Variants in OST4 observed in about 807,000 individuals in gnomAD.
The protein encoded by OST4 is oligosaccharyltransferase complex subunit 4, non-catalytic, also known as dolichyl-diphosphooligosaccharide--protein glycosyltransferase subunit 4.
A neutral mutation model predicts 2.1 loss-of-function variants in OST4; 3 were observed. That is an observed-to-expected ratio of 1.42 (90% CI 0.65 to 3.67). OST4 has a LOEUF of 3.67. Among genes scored for constraint, OST4 ranks in the 30% most tolerant of loss-of-function variants. The pLI is 0.03. For synonymous variants in OST4, 23 were observed against 21.6 expected (o/e 1.06, Z -0.18); for missense variants, 52 against 47.1 (o/e 1.10, Z -0.30).
intron 2 of OST4, 31 bp downstream of exon 2, chr2:27,071,295 G>T: frequency 7.0e-7 from 1 of 1,425,294 alleles, no homozygotes; most frequent in South Asian, 1.2e-5. Flanking sequence ...CTCAGCTCTG[G>T]GGACTGGGCG....
intron 1 of OST4, 55 bp downstream of exon 1, chr2:27,071,546 A>G (rs1669272786): frequency 9.4e-6 from 9 of 954,612 alleles, no homozygotes; most frequent in Non-Finnish European, 1.4e-5. Flanking sequence ...CGGGCCAGCC[A>G]CGGCCACGGC....
Position 27,071,316 on chromosome 2 carries a change from G to A in OST4, c.*23+10C>T, listed in dbSNP as rs538930118. The stretch of plus-strand genomic sequence containing the variant: ...TCTGGGGACTGGGCGCTACAGCCCC[G>A]GGCCGTTACCTGGGGCGGAGAAAGC... On this transcript the variant is annotated intron_variant, in intron 2 of 2. Coordinates refer to ENST00000456793, the MANE Select transcript of OST4 (RefSeq NM_001134693.2). 20 of 1,507,916 alleles carry A rather than the reference G, an allele frequency of 1.3e-5. No homozygotes were observed. The African/African-American group carries it at 1.7e-4, about 13-fold the overall frequency. The allele number at this position is 1,507,916 out of a possible 1,614,324, so 93.4% of individuals were successfully genotyped here.
At chr2:27,071,514 G>A (rs1410372362) in intron 1 of OST4, 51 bp from the exon 2 acceptor site, 5 of 1,441,972 alleles carry the variant, frequency 3.5e-6, no homozygotes, top group Non-Finnish European at 4.7e-6. Context: ...CCTCGCCCTC[G>A]CAAGAACCCG....
At position 27,071,391 on chromosome 2, in the gene OST4, G is replaced by A. The variant is rs1276862722; in HGVS notation, c.72C>T (p.Leu24=). Reference sequence around the variant, plus strand: ...GATTGTTGACGGCCACGTAGTGATAGAGAACGACAAGCAAGAAGAGCGACA... The same window carrying A: ...GATTGTTGACGGCCACGTAGTGATAAAGAACGACAAGCAAGAAGAGCGACA... ...LGVSLFLLVV[L]YHYVAVNNPK... The change falls in exon 2 of 3, where the codon CTC becomes CTT. Residue 24 remains leucine (L), a synonymous_variant. Coordinates refer to ENST00000456793, the MANE Select transcript of OST4 (RefSeq NM_001134693.2). 2 of 1,551,716 alleles carry A rather than the reference G, an allele frequency of 1.3e-6. No homozygotes were observed. The highest frequency in any genetic ancestry group is 1.2e-5 in the South Asian group (1 of 84,066).
chr2:27,071,383 T>C lies in OST4; in HGVS notation c.80A>G (p.Tyr27Cys). The C allele has an allele frequency of 6.4e-7, 1 of 1,551,596 alleles. No individual in the cohort carries two copies. The highest frequency in any genetic ancestry group is 8.7e-7 in the Non-Finnish European group (1 of 1,146,942). Residue 27 changes from tyrosine to cysteine, a missense_variant, in exon 2 of 3, where the codon TAC becomes TGC. Transcript: ENST00000456793. ...SLFLLVVLYH[Y>C]VAVNNPKKQE ...CTTCTTGGGATTGTTGACGGCCACG[T>C]AGTGATAGAGAACGACAAGCAAGAA... is the stretch of plus-strand genomic sequence containing the variant.
rs1183619614 is a variant in OST4 at position 27,071,651 on chromosome 2, A to G, written c.-52T>C. 4.0e-6 allele frequency: 2 copies of G among 504,654 alleles called. No individual in the cohort carries two copies. Among genetic ancestry groups the G allele is most frequent in the Non-Finnish European group, 7.0e-6 (2 of 286,584 alleles). The allele number at this position is 504,654 out of a possible 1,614,324, so 31.3% of individuals were successfully genotyped here. Reference sequence around the variant, plus strand: ...GCCACCAGCGAACAAGCCCGAAGTCAGAGACCTGGACCGGAACTTCGTAGC... The same window carrying G: ...GCCACCAGCGAACAAGCCCGAAGTCGGAGACCTGGACCGGAACTTCGTAGC... On this transcript the variant is annotated 5_prime_UTR_variant, in exon 1 of 3. Coordinates refer to ENST00000456793, the MANE Select transcript of OST4 (RefSeq NM_001134693.2).
intron 1 of OST4, 67 bp downstream of exon 1, chr2:27,071,534 C>T (rs1463522861): frequency 7.6e-7 from 1 of 1,319,178 alleles, no homozygotes; most frequent in Admixed American, 2.0e-5. Context: ...GTCCTCGCCC[C>T]ACGGGCCAGC....
At chr2:27,071,213 C>T in intron 2 of OST4, 113 bp downstream of exon 2, 1 of 676,336 alleles carries the variant, frequency 1.5e-6, no homozygotes, top group Non-Finnish European at 2.6e-6. Context: ...CAGTTCTGGA[C>T]TGTATCATGC....
chr2:27,071,283 C>A, intron 2 of OST4, 43 bp downstream of exon 2: 1 of 1,320,718 alleles, frequency 7.6e-7, no homozygotes, highest in South Asian at 1.3e-5. Flanking sequence ...GCGGCCTCGC[C>A]ACTCAGCTCT....
At chr2:27,071,542 A>G (rs1669272564) in intron 1 of OST4, 59 bp downstream of exon 1, 22 of 1,190,708 alleles carry the variant, frequency 1.8e-5, no homozygotes, top group Middle Eastern at 2.7e-4. Flanking sequence ...CCCACGGGCC[A>G]GCCACGGCCA....
In OST4 at chr2:27,071,515, C is replaced by T; in HGVS notation, c.-1-52G>A. 3 of 1,424,674 alleles carry T rather than the reference C, an allele frequency of 2.1e-6. No individual in the cohort carries two copies. The South Asian group carries it at 3.7e-5, about 17-fold the overall frequency. The allele number at this position is 1,424,674 out of a possible 1,614,324, so 88.3% of individuals were successfully genotyped here. ...CGGGCTGGCGCACTCCTCGCCCTCG[C>T]AAGAACCCGTCCTCGCCCCACGGGC... On this transcript the variant is annotated intron_variant, in intron 1 of 2. Transcript: ENST00000456793.
chr2:27,071,262 C>G, intron 2 of OST4, 64 bp downstream of exon 2: 2 of 1,027,384 alleles, frequency 1.9e-6, no homozygotes, highest in Non-Finnish European at 1.5e-6. Flanking sequence ...TCGAACCCTG[C>G]TAGCCCTGGC....
At chr2:27,071,290 C>T (rs748018875) in intron 2 of OST4, 36 bp downstream of exon 2, 1 of 1,397,038 alleles carries the variant, frequency 7.2e-7, no homozygotes, top group Non-Finnish European at 9.9e-7. Flanking sequence ...CGCCACTCAG[C>T]TCTGGGGACT....
chr2:27,071,381 C>G lies in OST4; in HGVS notation c.82G>C (p.Val28Leu). Residue 28 changes from valine (V) to leucine (L), a missense_variant, in exon 2 of 3, where the codon GTG (valine) becomes CTG (leucine). By Grantham distance (32) the Val-to-Leu change is conservative (BLOSUM62 1). Transcript: ENST00000456793. ...LFLLVVLYHY[V>L]AVNNPKKQE is the part of the protein sequence containing the mutation. ...TGCTTCTTGGGATTGTTGACGGCCA[C>G]GTAGTGATAGAGAACGACAAGCAAG... 6.4e-7 allele frequency: 1 copy of G among 1,551,672 alleles called. No homozygotes were observed. Among genetic ancestry groups the G allele is most frequent in the Non-Finnish European group, 8.7e-7 (1 of 1,146,952 alleles).
At position 27,071,626 on chromosome 2, in the gene OST4, G is replaced by A. The variant is rs1669276899; in HGVS notation, c.-27C>T. 3.8e-6 allele frequency: 2 copies of A among 531,780 alleles called. No homozygotes were observed. The highest frequency in any genetic ancestry group is 2.0e-5 in the African/African-American group (1 of 50,346). 32.9% of individuals were successfully genotyped at this position (531,780 alleles called of 1,614,324 possible). A position where few individuals can be genotyped will look rare whatever the true frequency, so the allele number is the denominator to read the frequency against. On this transcript the variant is annotated 5_prime_UTR_variant, in exon 1 of 3. Coordinates refer to ENST00000456793, the MANE Select transcript of OST4 (RefSeq NM_001134693.2). ...CTGACCAGTCCGGCTCGGCTCCGAC[G>A]CCACCAGCGAACAAGCCCGAAGTCA...
At chr2:27,071,536 C>A in intron 1 of OST4, 65 bp downstream of exon 1, 1 of 1,244,478 alleles carries the variant, frequency 8.0e-7, no homozygotes, top group Non-Finnish European at 1.1e-6. Context: ...CCTCGCCCCA[C>A]GGGCCAGCCA....
chr2:27,071,349 T>C lies in OST4; in HGVS notation c.114A>G (p.Ter38TrpextTer81). 6.4e-7 allele frequency: 1 copy of C among 1,551,148 alleles called. No homozygotes were observed. The highest frequency in any genetic ancestry group is 8.7e-7 in the Non-Finnish European group (1 of 1,146,504). Residue 38 changes from the stop codon to tryptophan (W), a stop_lost, in exon 2 of 3, where the codon TGA (stop) becomes TGG (tryptophan). Coordinates refer to ENST00000456793, the MANE Select transcript of OST4 (RefSeq NM_001134693.2). The part of the protein sequence containing the change: ...VAVNNPKKQE[*>W] The stretch of plus-strand genomic sequence containing the variant: ...ACCTGGGGCGGAGAAAGCGCCACTT[T>C]CATTCCTGCTTCTTGGGATTGTTGA...
Position 27,071,450 on chromosome 2 carries a change from C to T in OST4, c.13G>A (p.Val5Met), listed in dbSNP as rs1473079502. 1 of 1,551,238 alleles carries T rather than the reference C, an allele frequency of 6.4e-7. No individual in the cohort carries two copies. The highest frequency in any genetic ancestry group is 8.7e-7 in the Non-Finnish European group (1 of 1,146,818). Reference sequence around the variant, plus strand: ...ATGTTGGCGAAGATGGCGAGCTGCACGTCCGTGATCATCCTGCGGAGAAGA... The same window carrying T: ...ATGTTGGCGAAGATGGCGAGCTGCATGTCCGTGATCATCCTGCGGAGAAGA... The part of the protein sequence containing the change: MITD[V>M]QLAIFANMLG... The change falls in exon 2 of 3, where the codon GTG becomes ATG. Residue 5 changes from valine to methionine, a missense_variant. Transcript: ENST00000456793.
rs1249844393 is a variant in OST4, at chr2:27,071,341, C to T, written c.*8G>A. 1.3e-6 allele frequency: 2 copies of T among 1,549,596 alleles called. No homozygotes were observed. The highest frequency in any genetic ancestry group is 2.7e-5 in the African/African-American group (2 of 73,018). On this transcript the variant is annotated 3_prime_UTR_variant, in exon 2 of 3. Coordinates refer to ENST00000456793, the MANE Select transcript of OST4 (RefSeq NM_001134693.2). ...GGGCCGTTACCTGGGGCGGAGAAAG[C>T]GCCACTTTCATTCCTGCTTCTTGGG...
Sources: gnomAD v4.1 joint callset for allele counts on GRCh38, gnomAD v4.1.1 for gene constraint, MANE v1.5 for transcripts, NCBI Gene and HGNC (gene_info 2026-07-23, HGNC 2026-07-21) for gene names.